The following FBXO15 variants were observed in gnomAD, a reference collection of about 807,000 sequenced individuals.
FBXO15 encodes F-box only protein 15.
Under a neutral mutation model 49.5 loss-of-function variants are expected in FBXO15, and 30 were observed. The observed-to-expected ratio is 0.61, with a 90% CI of 0.45 to 0.82. The LOEUF is 0.82. FBXO15 is among the 40% of genes least tolerant of loss of function. The probability of loss-of-function intolerance (pLI) is 0.00; values close to 1 mark genes in which losing one functional copy is unlikely to be tolerated. For synonymous variants in FBXO15, 250 were observed against 232.7 expected (o/e 1.07, Z -0.68); for missense variants, 591 against 631.5 (o/e 0.94, Z 0.69).
chr18:74,126,503 T>G (rs1054781667), intron 5 of FBXO15, among the ~76,000 whole-genome samples: 9 of 152,262 alleles, frequency 5.9e-5, no homozygotes, highest in Non-Finnish European at 1.3e-4. Flanking sequence ...GATACACTAT[T>G]TCAAGTGACA....
intron 9 of FBXO15, among the ~76,000 whole-genome samples, chr18:74,080,779 A>G (rs771584268): frequency 6.6e-6 from 1 of 152,180 alleles, no homozygotes; most frequent in Non-Finnish European, 1.5e-5. Flanking sequence ...TAATTACTAC[A>G]TTTCCCTTTT....
intron 8 of FBXO15, chr18:74,097,140 G>C (rs1913314515): frequency 1.3e-5 from 2 of 152,278 alleles, no homozygotes; most frequent in East Asian, 3.9e-4. Context: ...GATCCTTGGG[G>C]AGGGTTGCCA....
intron 8 of FBXO15, among the ~76,000 whole-genome samples, chr18:74,101,665 T>C (rs1599151333): frequency 6.6e-6 from 1 of 152,170 alleles, no homozygotes; most frequent in African/African-American, 2.4e-5. Flanking sequence ...AAAGCAAGAC[T>C]AAGCAAAAAG....
At position 74,074,380 on chromosome 18, in the gene FBXO15, C is replaced by A. The variant is rs1020093838; in HGVS notation, c.1264-650G>T. ...CAAGTGATCCCAACATCCGTGGGGA[C>A]CCTGGTGGAGCCTCCAGTATCCTGG... On this transcript the variant is annotated intron_variant, in intron 9 of 9. Coordinates refer to ENST00000419743, the MANE Select transcript of FBXO15 (RefSeq NM_001142958.2). This position sits in a 1 kb window ranked among gnomAD's most constrained non-coding sequence, Gnocchi z 4.7. Among the ~76,000 whole-genome samples the A allele has an allele frequency of 6.6e-6, 1 of 152,206 alleles. No homozygotes were observed. Among genetic ancestry groups the A allele is most frequent in the African/African-American group, 2.4e-5 (1 of 41,442 alleles).
intron 8 of FBXO15, among the ~76,000 whole-genome samples, chr18:74,115,503 G>A (rs758133816): frequency 6.6e-6 from 1 of 152,156 alleles, no homozygotes; most frequent in Non-Finnish European, 1.5e-5. Flanking sequence ...GTGACCAAGA[G>A]GTGGATGACA....
intron 9 of FBXO15, among the ~76,000 whole-genome samples, chr18:74,081,207 C>T (rs958829904): frequency 6.6e-6 from 1 of 152,200 alleles, no homozygotes; most frequent in African/African-American, 2.4e-5. Flanking sequence ...TAACAAGGTG[C>T]GCATGCATAG....
At chr18:74,143,546 T>C (rs1979219089) in intron 1 of FBXO15, among the ~76,000 whole-genome samples, 1 of 152,176 alleles carries the variant, frequency 6.6e-6, no homozygotes, top group African/African-American at 2.4e-5. Flanking sequence ...CTTCTAGAAA[T>C]GTGCACAGAT....
At chr18:74,110,081 T>C (rs1033895278) in intron 8 of FBXO15, among the ~76,000 whole-genome samples, 44 of 151,392 alleles carry the variant, frequency 2.9e-4, no homozygotes, top group African/African-American at 9.9e-4. Context: ...TTTCACTTCC[T>C]TATTCATAAT....
chr18:74,120,851 A>G (rs1914436260), intron 8 of FBXO15, among the ~76,000 whole-genome samples: 1 of 150,730 alleles, frequency 6.6e-6, no homozygotes, highest in Non-Finnish European at 1.5e-5. Flanking sequence ...AAACAAAATA[A>G]TACAGAAAAA....
At chr18:74,129,638 C>A in intron 4 of FBXO15, 24 bp from the exon 5 acceptor site, 2 of 1,557,378 alleles carry the variant, frequency 1.3e-6, no homozygotes, top group Non-Finnish European at 8.7e-7. Flanking sequence ...AAAAAACTAA[C>A]AATGTTTGCC....
intron 3 of FBXO15, among the ~76,000 whole-genome samples, chr18:74,132,819 T>G (rs760970736): frequency 2.9e-4 from 44 of 152,234 alleles, no homozygotes; most frequent in Non-Finnish European, 5.7e-4. Context: ...CCAGAGTACA[T>G]GGCAAATAAA....
intron 8 of FBXO15, chr18:74,100,020 T>G (rs1338108465): frequency 6.6e-6 from 1 of 151,948 alleles, no homozygotes; most frequent in Non-Finnish European, 1.5e-5. Context: ...AGACAGAAAG[T>G]CAACAAAGAA....
In FBXO15 at chr18:74,147,758, G is replaced by T; in HGVS notation, c.28C>A (p.Gln10Lys). Residue 10 changes from glutamine to lysine, a missense_variant, in exon 1 of 10, where the codon CAG (glutamine) becomes AAG (lysine). By Grantham distance (53) the Gln-to-Lys change is moderately conservative. Coordinates refer to ENST00000419743, the MANE Select transcript of FBXO15 (RefSeq NM_001142958.2). MATGRGRIL[Q>K]QHWLGLQTLR... ...GTCTGGAGGCCGAGCCAGTGCTGCT[G>T]CAAGATCCGACCGCGTCCAGTCGCC... 6.5e-7 allele frequency: 1 copy of T among 1,535,542 alleles called. No homozygotes were observed. Among genetic ancestry groups the T allele is most frequent in the Non-Finnish European group, 8.8e-7 (1 of 1,142,666 alleles).
chr18:74,114,193 G>A (rs1914137507), intron 8 of FBXO15, among the ~76,000 whole-genome samples: 1 of 152,198 alleles, frequency 6.6e-6, no homozygotes, highest in Non-Finnish European at 1.5e-5. Context: ...CAAGCCCAGA[G>A]TAAAAACCCG....
chr18:74,147,609 G>A (rs1401412700), intron 1 of FBXO15, 61 bp downstream of exon 1: 21 of 1,364,842 alleles, frequency 1.5e-5, no homozygotes, highest in Non-Finnish European at 1.8e-5. Flanking sequence ...GGTGAAGAGA[G>A]CGGGGCCGCG....
chr18:74,136,598 T>C (rs1202702301), intron 2 of FBXO15, among the ~76,000 whole-genome samples: 4 of 152,190 alleles, frequency 2.6e-5, no homozygotes, highest in Admixed American at 6.5e-5. Flanking sequence ...GTCTGGGGCT[T>C]CAAGGAGACA....
At chr18:74,125,921 A>G in intron 6 of FBXO15, 54 bp downstream of exon 6, 1 of 1,598,058 alleles carries the variant, frequency 6.3e-7, no homozygotes, top group Non-Finnish European at 8.5e-7. Context: ...TGGTAAGTAA[A>G]TGTGGTATTG....
chr18:74,083,566 C>T lies in FBXO15; in HGVS notation c.1139-1515G>A, dbSNP rs918674195. 6.6e-5 allele frequency among the ~76,000 whole-genome samples: 10 copies of T among 152,200 alleles called. 1 individual carries two copies. Among genetic ancestry groups the T allele is most frequent in the African/African-American group, 1.2e-4 (5 of 41,448 alleles). ...TTCCACACAGCTTGTCCCCAGGACA[C>T]GGCAGAAAATGCACTCCAAATACAG... On this transcript the variant is annotated intron_variant, in intron 8 of 9. Coordinates refer to ENST00000419743, the MANE Select transcript of FBXO15 (RefSeq NM_001142958.2).
chr18:74,139,894 CTTCT>C (rs1395935324), intron 2 of FBXO15, among the ~76,000 whole-genome samples: 7 of 152,198 alleles, frequency 4.6e-5, no homozygotes, highest in African/African-American at 1.7e-4. Flanking sequence ...ACACTTTAAT[CTTCT>C]TTCTTTCTCC....
Sources: gnomAD v4.1 joint callset for allele counts (sites outside exome capture counted in the v4.1 genomes callset) on GRCh38, gnomAD v4.1.1 for gene constraint, Gnocchi (gnomAD v3.1) non-coding constraint, MANE v1.5 for transcripts, NCBI Gene and HGNC (gene_info 2026-07-23, HGNC 2026-07-21) for gene names.